The following PARG variants were observed in gnomAD, a reference collection of about 807,000 sequenced individuals.
PARG encodes the protein mitochondrial poly(ADP-ribose) glycohydrolase.
A neutral mutation model predicts 113.0 loss-of-function variants in PARG; 35 were observed. The observed-to-expected ratio is 0.31, with a 90% confidence interval of 0.24 to 0.41. The LOEUF (loss-of-function observed/expected upper bound fraction) is 0.41. PARG is among the 10% of genes least tolerant of loss of function. The pLI, the probability that PARG is intolerant of heterozygous loss-of-function variation, is 1.00. For missense variants in PARG, 797 were observed against 1,169.4 expected, an observed-to-expected ratio of 0.68 and a Z score of 4.64; for synonymous variants, 330 against 409.9, an observed-to-expected ratio of 0.81 and a Z score of 2.36.
chr10:49,849,582 T>TA (rs1845664915), intron 13 of PARG, among the ~76,000 whole-genome samples: 1 of 152,208 alleles, frequency 6.6e-6, no homozygotes. Context: ...TTCATGGGTG[T>TA]AGTCATACGT....
chr10:49,832,971 A>AG, intron 15 of PARG, 63 bp from the exon 16 acceptor site: 7 of 805,704 alleles, frequency 8.7e-6, no homozygotes, highest in Non-Finnish European at 1.4e-5. Flanking sequence ...TTTCTGACTG[A>AG]TGTACTAGGA....
chr10:49,939,316 A>G (rs1589017395), intron 1 of PARG, among the ~76,000 whole-genome samples: 1 of 152,328 alleles, frequency 6.6e-6, no homozygotes, highest in African/African-American at 2.4e-5. Context: ...CCCTGTCTAC[A>G]GCCTTGACTA....
chr10:49,834,523 A>G (rs1362061234), intron 15 of PARG, among the ~76,000 whole-genome samples: 2 of 152,182 alleles, frequency 1.3e-5, no homozygotes, highest in African/African-American at 4.8e-5. Context: ...ATATTATCCA[A>G]TTTTCCTGGA....
At chr10:49,826,580 T>A (rs868953674) in intron 16 of PARG, among the ~76,000 whole-genome samples, 21 of 152,348 alleles carry the variant, frequency 1.4e-4, no homozygotes, top group Non-Finnish European at 2.5e-4. Context: ...TTGATATAAA[T>A]GGACATAAGG....
chr10:49,937,787 G>C (rs1276024782), intron 1 of PARG, among the ~76,000 whole-genome samples: 1 of 152,122 alleles, frequency 6.6e-6, no homozygotes, highest in Non-Finnish European at 1.5e-5. Flanking sequence ...CTGAAGCCTG[G>C]GGAAGGGATG....
intron 7 of PARG, among the ~76,000 whole-genome samples, chr10:49,898,334 C>A (rs1377425439): frequency 6.6e-6 from 1 of 151,750 alleles, no homozygotes; most frequent in African/African-American, 2.4e-5. Flanking sequence ...CTTTGATCAC[C>A]CCCATATCAA....
chr10:49,881,005 C>T (rs559270103), intron 8 of PARG, among the ~76,000 whole-genome samples: 8 of 152,278 alleles, frequency 5.3e-5, no homozygotes, highest in South Asian at 2.1e-4. Flanking sequence ...TAAGAAAGGG[C>T]GTGGTACCTT....
At chr10:49,912,532 G>A (rs781836835) in intron 7 of PARG, among the ~76,000 whole-genome samples, 7 of 151,962 alleles carry the variant, frequency 4.6e-5, no homozygotes, top group South Asian at 4.2e-4. Context: ...GTGTGGTGGC[G>A]CACGTCTGTA....
chr10:49,891,682 T>C (rs1434450619), intron 7 of PARG, among the ~76,000 whole-genome samples: 17 of 136,960 alleles, frequency 1.2e-4, no homozygotes, highest in South Asian at 2.4e-4. Context: ...CAGGCTGGAG[T>C]GCAGTGGCAT....
rs984826527 is a variant in PARG at position 49,819,013 on chromosome 10, A to C, written c.*327T>G. 5.4e-6 allele frequency: 1 copy of C among 184,796 alleles called. No homozygotes were observed. Among genetic ancestry groups the C allele is most frequent in the Non-Finnish European group, 1.1e-5 (1 of 89,194 alleles). 11.4% of individuals were successfully genotyped at this position (184,796 alleles called of 1,614,324 possible). Reference sequence around the variant, plus strand: ...GCAACTGGTATAATATATGGGCAGGAAGAAAGAGACCCGACAGGCTGAGCA... The same window carrying C: ...GCAACTGGTATAATATATGGGCAGGCAGAAAGAGACCCGACAGGCTGAGCA... On this transcript the variant is annotated 3_prime_UTR_variant, in exon 18 of 18. Coordinates refer to ENST00000616448, the MANE Select transcript of PARG (RefSeq NM_003631.5).
At chr10:49,896,169 A>G (rs1231928293) in intron 7 of PARG, among the ~76,000 whole-genome samples, 2 of 152,156 alleles carry the variant, frequency 1.3e-5, no homozygotes, top group Non-Finnish European at 2.9e-5. Context: ...TTTTCCCCCA[A>G]TCTTTGGGAA....
In PARG at chr10:49,877,933, C is replaced by T. The variant is rs1162165401; in HGVS notation, c.1988+1740G>A. Among the ~76,000 whole-genome samples the T allele has an allele frequency of 2.5e-3, 371 of 150,064 alleles. 2 individuals are homozygous for T. The highest frequency in any genetic ancestry group is 3.7e-3 in the Non-Finnish European group (252 of 67,602). ...TAAATGTGAGGCAAAACAACATTTG[C>T]ATAGTGTTTTATCTTTTGGAAAATA... is the stretch of plus-strand genomic sequence containing the variant. On this transcript the variant is annotated intron_variant, in intron 9 of 17. Transcript: ENST00000616448.
At chr10:49,843,687 A>C (rs1588887647) in intron 13 of PARG, 55 bp from the exon 14 acceptor site, 2 of 1,132,370 alleles carry the variant, frequency 1.8e-6, no homozygotes, top group Non-Finnish European at 1.3e-6. Context: ...AAAACATTCC[A>C]CCTTTCATAA....
intron 7 of PARG, among the ~76,000 whole-genome samples, chr10:49,894,388 G>A (rs1847973528): frequency 6.6e-6 from 1 of 152,092 alleles, no homozygotes; most frequent in South Asian, 2.1e-4. Flanking sequence ...TTCGTCACAA[G>A]TATTTATAAG....
chr10:49,858,331 TCACACACA>T lies in PARG; in HGVS notation c.2206-886_2206-879del, dbSNP rs3048417. 6.0e-3 allele frequency among the ~76,000 whole-genome samples: 872 copies of T among 144,200 alleles called. 2 individuals carry two copies. The highest frequency in any genetic ancestry group is 0.012 in the African/African-American group (466 of 37,668). 94.6% of individuals were successfully genotyped at this position (144,200 alleles called of 152,430 possible). A position where few individuals can be genotyped will look rare whatever the true frequency, so the allele number is the denominator to read the frequency against. On this transcript the variant is annotated intron_variant, in intron 12 of 17. Coordinates refer to ENST00000616448, the MANE Select transcript of PARG (RefSeq NM_003631.5). ...TAGTGAGACTATCTGAGGAGTTAGATCACACACACACACACACACACACACACACACAC... is the reference window on the plus strand; with the variant it reads ...TAGTGAGACTATCTGAGGAGTTAGATCACACACACACACACACACACACAC...
At position 49,933,132 on chromosome 10, in the gene PARG, A is replaced by G. The variant is rs1231810411; in HGVS notation, c.1271+45T>C. 60 of 1,375,866 alleles carry G rather than the reference A, an allele frequency of 4.4e-5. No homozygotes were observed. The African/African-American group carries it at 8.5e-4, about 19-fold the overall frequency. 85.2% of individuals were successfully genotyped at this position (1,375,866 alleles called of 1,614,324 possible). On this transcript the variant is annotated intron_variant, in intron 3 of 17. Coordinates refer to ENST00000616448, the MANE Select transcript of PARG (RefSeq NM_003631.5). The stretch of plus-strand genomic sequence containing the variant: ...TCGTTAAACTCCCTTACAAAACTAT[A>G]AAGCATATTATGCTATTGGAGAGAT...
At chr10:49,923,674 A>G (rs1446218741) in intron 4 of PARG, among the ~76,000 whole-genome samples, 2 of 151,672 alleles carry the variant, frequency 1.3e-5, no homozygotes, top group African/African-American at 4.9e-5. Context: ...GAGTCACCCA[A>G]TAGATAGAAA....
At chr10:49,828,200 G>C (rs1844469356) in intron 16 of PARG, among the ~76,000 whole-genome samples, 1 of 146,892 alleles carries the variant, frequency 6.8e-6, no homozygotes, top group Admixed American at 6.9e-5. Flanking sequence ...GTTTATAAGA[G>C]AGCTGAGTTT....
At chr10:49,847,767 G>GTAAGA (rs1168543878) in intron 13 of PARG, among the ~76,000 whole-genome samples, 5 of 139,640 alleles carry the variant, frequency 3.6e-5, no homozygotes, top group African/African-American at 1.3e-4. Flanking sequence ...CTGTGCTGAT[G>GTAAGA]TAAGACAATG....
Sources: gnomAD v4.1 joint callset for allele counts (sites outside exome capture counted in the v4.1 genomes callset) on GRCh38, gnomAD v4.1.1 for gene constraint, MANE v1.5 for transcripts, NCBI Gene and HGNC (gene_info 2026-07-23, HGNC 2026-07-21) for gene names.